Variants in MDGA1 observed in about 807,000 individuals in gnomAD.
MDGA1 encodes the protein MAM domain-containing glycosylphosphatidylinositol anchor protein 1.
In MDGA1, 54 loss-of-function variants were observed where a neutral mutation model predicts 101.5. The observed-to-expected ratio is 0.53, with a 90% CI of 0.43 to 0.67. MDGA1 has a LOEUF of 0.67. MDGA1 is among the 30% of genes least tolerant of loss of function. The pLI is 0.00. For missense variants in MDGA1, 1,083 were observed against 1,323.8 expected (o/e 0.82, Z 2.82); for synonymous variants, 533 against 558.3 (o/e 0.95, Z 0.64).
At position 37,633,549 on chromosome 6, in the gene MDGA1, A is replaced by G. The variant is rs1474140195; in HGVS notation, c.*3819T>C. 1 of 152,356 alleles carries G rather than the reference A, an allele frequency of 6.6e-6. No individual in the cohort carries two copies. Among genetic ancestry groups the G allele is most frequent in the Non-Finnish European group, 1.5e-5 (1 of 68,140 alleles). 9.4% of individuals were successfully genotyped at this position (152,356 alleles called of 1,614,324 possible). On this transcript the variant is annotated 3_prime_UTR_variant, in exon 17 of 17. Transcript: ENST00000434837. ...AGTCACAGGGGAGAGGAGGGGAAACAGGGTCTCTTCTGTCTGGGGGCCTGG... is the reference window on the plus strand; with the variant it reads ...AGTCACAGGGGAGAGGAGGGGAAACGGGGTCTCTTCTGTCTGGGGGCCTGG...
Position 37,633,655 on chromosome 6 carries a change from G to A in MDGA1, c.*3713C>T, listed in dbSNP as rs948536849. 3.3e-5 allele frequency: 5 copies of A among 152,460 alleles called. No individual in the cohort carries two copies. Among genetic ancestry groups the A allele is most frequent in the Non-Finnish European group, 5.9e-5 (4 of 68,146 alleles). The allele number at this position is 152,460 out of a possible 1,614,324, so 9.4% of individuals were successfully genotyped here. On this transcript the variant is annotated 3_prime_UTR_variant, in exon 17 of 17. Coordinates refer to ENST00000434837, the MANE Select transcript of MDGA1 (RefSeq NM_153487.4). Reference sequence around the variant, plus strand: ...ACCCAGGCCTGTCATGGGGCAGAAGGGTCTGCAGCCTGGGATGAGAGGCCA... The same window carrying A: ...ACCCAGGCCTGTCATGGGGCAGAAGAGTCTGCAGCCTGGGATGAGAGGCCA...
Position 37,649,047 on chromosome 6 carries a change from C to G in MDGA1, c.1829G>C (p.Ser610Thr). 6.5e-7 allele frequency: 1 copy of G among 1,545,534 alleles called. No homozygotes were observed. The highest frequency in any genetic ancestry group is 8.7e-7 in the Non-Finnish European group (1 of 1,145,746). ...GGAGACGCTGCACTCGTAGCTGCCG[C>G]TGCTGTCGCGAGTTACGGCGTCGAG... is the stretch of plus-strand genomic sequence containing the variant. Reference protein sequence around the residue: ...LRLDAVTRDSSGSYECSVSND... With the variant: ...LRLDAVTRDSTGSYECSVSND... The change falls in exon 9 of 17, where the codon AGC becomes ACC. Residue 610 changes from serine to threonine, a missense_variant. Physicochemically the swap from Ser to Thr is moderately conservative, Grantham distance 58. Transcript: ENST00000434837.
chr6:37,658,474 C>T (rs1761546988), intron 2 of MDGA1, 55 bp from the exon 3 acceptor site: 1 of 1,527,744 alleles, frequency 6.5e-7, no homozygotes, highest in African/African-American at 1.4e-5. Context: ...GGGTGGGGGC[C>T]TCAGCGCTGA....
intron 1 of MDGA1, among the ~76,000 whole-genome samples, chr6:37,684,995 A>G (rs566173202): frequency 1.0e-3 from 155 of 152,264 alleles, no homozygotes; most frequent in African/African-American, 3.6e-3. Context: ...TGCCTTCATC[A>G]AGAGTTTCTA....
chr6:37,655,790 C>T lies in MDGA1; in HGVS notation c.489G>A (p.Pro163=), dbSNP rs3846874. Residue 163 remains proline (P), a synonymous_variant, in exon 4 of 17, where the codon CCG becomes CCA. Coordinates refer to ENST00000434837, the MANE Select transcript of MDGA1 (RefSeq NM_153487.4). The surrounding 1 kb of genome is among the most constrained non-coding windows in gnomAD (Gnocchi z 5.1). ...CCCGCTTCCAGATGAAGCGGGCAGGCGGGTTGGAGTTGACAGTACAGCGCA... is the reference window on the plus strand; with the variant it reads ...CCCGCTTCCAGATGAAGCGGGCAGGTGGGTTGGAGTTGACAGTACAGCGCA... ...VFLRCTVNSN[P]PARFIWKRGS... 1,048,915 of 1,612,362 alleles carry T rather than the reference C, an allele frequency of 0.65. 346,952 individuals are homozygous for T. The highest frequency in any genetic ancestry group is 0.86 in the East Asian group (38,365 of 44,832).
chr6:37,667,788 A>G (rs983804894), intron 1 of MDGA1, among the ~76,000 whole-genome samples: 1 of 152,182 alleles, frequency 6.6e-6, no homozygotes, highest in African/African-American at 2.4e-5. Context: ...GGTGACAGAT[A>G]AGGAATACTG....
chr6:37,650,078 G>A (rs1423268133), intron 8 of MDGA1, 31 bp downstream of exon 8: 3 of 1,611,348 alleles, frequency 1.9e-6, no homozygotes, highest in Non-Finnish European at 8.5e-7. Flanking sequence ...GGAAAGCTGG[G>A]AAGGTAGTCC....
chr6:37,691,122 G>C (rs79879161), intron 1 of MDGA1, among the ~76,000 whole-genome samples: 2,406 of 152,076 alleles, frequency 0.016, 27 homozygotes, highest in African/African-American at 0.03. Flanking sequence ...CATCTCAGTA[G>C]CCCTGCCAAT....
intron 2 of MDGA1, among the ~76,000 whole-genome samples, chr6:37,662,969 C>T (rs964405222): frequency 2.0e-5 from 3 of 152,222 alleles, no homozygotes; most frequent in Admixed American, 1.3e-4. Flanking sequence ...TTCTAAAACA[C>T]TCCTTTAAGA....
At chr6:37,649,317 T>A in intron 8 of MDGA1, 51 bp from the exon 9 acceptor site, 2 of 1,431,368 alleles carry the variant, frequency 1.4e-6, no homozygotes, top group Non-Finnish European at 1.8e-6. Context: ...GAGTGGGGCC[T>A]GAGGAGTGGC....
rs770992666 is a variant in MDGA1 at position 37,647,244 on chromosome 6, C to G, written c.1975G>C (p.Val659Leu). 6.3e-7 allele frequency: 1 copy of G among 1,582,858 alleles called. No homozygotes were observed. The highest frequency in any genetic ancestry group is 2.3e-5 in the East Asian group (1 of 43,396). The change falls in exon 10 of 17, where the codon GTG becomes CTG. Residue 659 changes from valine (V) to leucine (L), a missense_variant. Coordinates refer to ENST00000434837, the MANE Select transcript of MDGA1 (RefSeq NM_153487.4). ...SHKLSKNYSY[V>L]LQWTQREPDA... ...GGCTCCCTCTGAGTCCACTGCAGCA[C>G]GTAGGAGTAGTTCTTGGACAGCTTG...
At chr6:37,662,962 TA>T (rs1234460009) in intron 2 of MDGA1, among the ~76,000 whole-genome samples, 1 of 152,232 alleles carries the variant, frequency 6.6e-6, no homozygotes, top group African/African-American at 2.4e-5. Flanking sequence ...TTTTCCCTTC[TA>T]AAACACTCCT....
At chr6:37,677,518 G>C (rs1261485081) in intron 1 of MDGA1, among the ~76,000 whole-genome samples, 1 of 152,180 alleles carries the variant, frequency 6.6e-6, no homozygotes, top group East Asian at 1.9e-4. Context: ...TAAAGTGACA[G>C]GTCTGAGGGC....
At chr6:37,664,230 G>T (rs766630397) in intron 1 of MDGA1, 124 bp from the exon 2 acceptor site, 11 of 1,252,140 alleles carry the variant, frequency 8.8e-6, no homozygotes, top group Non-Finnish European at 1.2e-5. Flanking sequence ...ATTCCTCAGA[G>T]GCCTGACCCC....
chr6:37,632,153 C>A lies in MDGA1; in HGVS notation c.*5215G>T, dbSNP rs895239467. 6.6e-6 allele frequency: 1 copy of A among 152,226 alleles called. No individual in the cohort carries two copies. The highest frequency in any genetic ancestry group is 1.5e-5 in the Non-Finnish European group (1 of 68,068). The allele number at this position is 152,226 out of a possible 1,614,324, so 9.4% of individuals were successfully genotyped here. A position where few individuals can be genotyped will look rare whatever the true frequency, so the allele number is the denominator to read the frequency against. On this transcript the variant is annotated 3_prime_UTR_variant, in exon 17 of 17. Coordinates refer to ENST00000434837, the MANE Select transcript of MDGA1 (RefSeq NM_153487.4). The stretch of plus-strand genomic sequence containing the variant: ...AGAGAAGTCTTCCCCGAAGCCCCAA[C>A]CCAAATAAGAACCCTCTTCATACCT...
Position 37,649,128 on chromosome 6 carries a change from G to A in MDGA1, c.1748C>T (p.Pro583Leu), listed in dbSNP as rs1561843973. ...GGCGGCGGGAACAACAGGCGGCGGCGGCAGCAGCTGCCCTTTGAAACGCCA... is the reference window on the plus strand; with the variant it reads ...GGCGGCGGGAACAACAGGCGGCGGCAGCAGCAGCTGCCCTTTGAAACGCCA... ...AVWRFKGQLLPPPPVVPAAAE... is the reference protein window; with the variant it reads ...AVWRFKGQLLLPPPVVPAAAE... The change falls in exon 9 of 17, where the codon CCG becomes CTG. Residue 583 changes from proline to leucine, a missense_variant. Pro to Leu is a moderately conservative substitution (Grantham distance 98). Around this residue, in one of 3 missense-constraint regions of MDGA1, gnomAD observed 657 missense variants for 771.4 expected, o/e 0.85. Coordinates refer to ENST00000434837, the MANE Select transcript of MDGA1 (RefSeq NM_153487.4). 6 of 1,513,378 alleles carry A rather than the reference G, an allele frequency of 4.0e-6. No homozygotes were observed. Among genetic ancestry groups the A allele is most frequent in the South Asian group, 3.7e-5 (3 of 81,440 alleles). 93.7% of individuals were successfully genotyped at this position (1,513,378 alleles called of 1,614,324 possible). A position where few individuals can be genotyped will look rare whatever the true frequency, so the allele number is the denominator to read the frequency against.
intron 1 of MDGA1, among the ~76,000 whole-genome samples, chr6:37,690,223 G>A (rs1471323204): frequency 6.6e-6 from 1 of 152,188 alleles, no homozygotes; most frequent in African/African-American, 2.4e-5. Context: ...CTGGACAACT[G>A]CAAAGCCTCC....
In MDGA1 at chr6:37,696,800, G is replaced by C; in HGVS notation, c.12C>G (p.Thr4=). 6.3e-7 allele frequency: 1 copy of C among 1,578,416 alleles called. No individual in the cohort carries two copies. Among genetic ancestry groups the C allele is most frequent in the Non-Finnish European group, 8.6e-7 (1 of 1,161,512 alleles). Reference sequence around the variant, plus strand: ...GGATCAGCGCCAGAAGTAGAAGGCAGGTCACCTCCATCTTCACGGCCGGTG... The same window carrying C: ...GGATCAGCGCCAGAAGTAGAAGGCACGTCACCTCCATCTTCACGGCCGGTG... The part of the protein sequence containing the change: MEV[T]CLLLLALIPF... Residue 4 remains threonine, a synonymous_variant, in exon 1 of 17, where the codon ACC becomes ACG. Coordinates refer to ENST00000434837, the MANE Select transcript of MDGA1 (RefSeq NM_153487.4). The surrounding 1 kb of genome is among the most constrained non-coding windows in gnomAD (Gnocchi z 5.6).
intron 1 of MDGA1, among the ~76,000 whole-genome samples, chr6:37,664,840 A>AAGACAGAC (rs879589629): frequency 2.3e-4 from 12 of 53,152 alleles, no homozygotes; most frequent in Admixed American, 1.1e-3. Flanking sequence ...AGCCTAACCT[A>AAGACAGAC]AGACACACAC....
Sources: allele counts gnomAD v4.1 joint callset (sites outside exome capture counted in the v4.1 genomes callset), GRCh38; gene constraint gnomAD v4.1.1; regional missense constraint gnomAD v4.1.1; non-coding constraint Gnocchi (gnomAD v3.1); transcripts MANE v1.5; gene names NCBI Gene and HGNC (gene_info 2026-07-23, HGNC 2026-07-21).